Variants in STPG2 observed in about 807,000 individuals in gnomAD.
STPG2 encodes sperm tail PG-rich repeat containing 2.
Under a neutral mutation model 54.2 loss-of-function variants are expected in STPG2, and 56 were observed. The ratio of observed to expected loss-of-function variants is 1.03; its 90% CI spans 0.83 to 1.29. The LOEUF is 1.29. STPG2 is among the 50% of genes most tolerant of loss of function. The pLI is 0.00. For synonymous variants in STPG2, 200 were observed against 181.8 expected (o/e 1.10, Z -0.81); for missense variants, 596 against 544.9 (o/e 1.09, Z -0.93).
chr4:97,737,336 C>A (rs1385762978), intron 9 of STPG2, among the ~76,000 whole-genome samples: 1 of 152,196 alleles, frequency 6.6e-6, no homozygotes. Context: ...AGTTCCTCAC[C>A]AGCAACGGAA....
chr4:97,748,422 A>G (rs1157097042), intron 9 of STPG2, among the ~76,000 whole-genome samples: 1 of 151,604 alleles, frequency 6.6e-6, no homozygotes, highest in Non-Finnish European at 1.5e-5. Context: ...AGAAAATTGA[A>G]TAGCTCACTG....
chr4:97,910,295 T>A (rs1731628684), intron 8 of STPG2, among the ~76,000 whole-genome samples: 1 of 152,200 alleles, frequency 6.6e-6, no homozygotes, highest in Non-Finnish European at 1.5e-5. Flanking sequence ...CCCAGCTAGA[T>A]AATAGTTGAG....
intron 9 of STPG2, among the ~76,000 whole-genome samples, chr4:97,725,893 C>CA (rs1456062530): frequency 1.3e-5 from 2 of 150,008 alleles, no homozygotes; most frequent in Admixed American, 6.7e-5. Context: ...TAAATGTTTC[C>CA]AAAAAAAGGA....
chr4:97,740,277 G>A (rs1379599669), intron 9 of STPG2, among the ~76,000 whole-genome samples: 2 of 152,126 alleles, frequency 1.3e-5, no homozygotes, highest in African/African-American at 4.8e-5. Flanking sequence ...GGCAAAAACT[G>A]GAAGCATTCC....
At chr4:98,036,080 A>T (rs1736770118) in intron 5 of STPG2, among the ~76,000 whole-genome samples, 1 of 152,188 alleles carries the variant, frequency 6.6e-6, no homozygotes, top group Admixed American at 6.6e-5. Flanking sequence ...TATACCCCAG[A>T]ACTTAAAGTA....
At chr4:98,095,373 A>G (rs1274959149) in intron 5 of STPG2, among the ~76,000 whole-genome samples, 1 of 152,226 alleles carries the variant, frequency 6.6e-6, no homozygotes, top group East Asian at 1.9e-4. Flanking sequence ...TAAAAGACAT[A>G]GAGCAGCTGA....
chr4:97,676,842 A>G (rs11097568), intron 10 of STPG2, among the ~76,000 whole-genome samples: 67,647 of 151,518 alleles, frequency 0.45, 16,546 homozygotes, highest in South Asian at 0.62. Context: ...AGGTTCTTGA[A>G]TCCCAAGGCA....
At chr4:97,752,828 T>C (rs1017779960) in intron 9 of STPG2, among the ~76,000 whole-genome samples, 6 of 151,854 alleles carry the variant, frequency 4.0e-5, no homozygotes, top group African/African-American at 1.4e-4. Context: ...TTCTACATCC[T>C]TCATAAAGCC....
At chr4:97,671,595 T>A (rs1722698753) in intron 10 of STPG2, among the ~76,000 whole-genome samples, 1 of 152,208 alleles carries the variant, frequency 6.6e-6, no homozygotes, top group South Asian at 2.1e-4. Context: ...GTCAAATACA[T>A]AATTTGAAAA....
chr4:98,026,284 T>C (rs1736418234), intron 5 of STPG2: 1 of 741,480 alleles, frequency 1.3e-6, no homozygotes, highest in East Asian at 2.7e-5. Context: ...CAATTTTCTA[T>C]GAAGATTTTC....
chr4:97,593,441 C>T (rs1021302538), intron 10 of STPG2, among the ~76,000 whole-genome samples: 17 of 152,170 alleles, frequency 1.1e-4, no homozygotes, highest in Admixed American at 8.5e-4. Context: ...CACACCCAAC[C>T]GCAATTCTTG....
At chr4:97,488,528 A>G (rs1005600617) in intron 4 of STPG2, among the ~76,000 whole-genome samples, 1 of 151,762 alleles carries the variant, frequency 6.6e-6, no homozygotes, top group Non-Finnish European at 1.5e-5. Context: ...CAAAATAGAA[A>G]TTTATGTCTC....
chr4:98,083,119 T>C (rs1041008578), intron 5 of STPG2, among the ~76,000 whole-genome samples: 1 of 152,168 alleles, frequency 6.6e-6, no homozygotes, highest in African/African-American at 2.4e-5. Flanking sequence ...TGTACCATTC[T>C]TCTCCTTCAC....
At chr4:97,864,678 C>A (rs923230003) in intron 8 of STPG2, among the ~76,000 whole-genome samples, 5 of 152,160 alleles carry the variant, frequency 3.3e-5, no homozygotes, top group African/African-American at 1.2e-4. Flanking sequence ...ATCACACTAC[C>A]TGACTTCAAA....
chr4:97,449,162 G>C (rs973669862), intron 4 of STPG2, among the ~76,000 whole-genome samples: 43 of 152,012 alleles, frequency 2.8e-4, no homozygotes, highest in African/African-American at 1.0e-3. Context: ...ATATTTGGTA[G>C]AGGCAAAAAC....
intron 5 of STPG2, among the ~76,000 whole-genome samples, chr4:98,097,211 T>C (rs549153561): frequency 8.9e-4 from 135 of 152,166 alleles, no homozygotes; most frequent in African/African-American, 3.2e-3. Context: ...CTGACGAACA[T>C]AGATGCAAAA....
intron 9 of STPG2, among the ~76,000 whole-genome samples, chr4:97,717,242 A>G (rs1418420913): frequency 6.6e-6 from 1 of 152,188 alleles, no homozygotes; most frequent in Non-Finnish European, 1.5e-5. Flanking sequence ...TATTTTTGCC[A>G]TCCCTTTAAA....
intron 10 of STPG2, among the ~76,000 whole-genome samples, chr4:97,693,283 A>G (rs1440429490): frequency 1.3e-5 from 2 of 152,114 alleles, no homozygotes; most frequent in Non-Finnish European, 2.9e-5. Context: ...GAATTCATCA[A>G]CCAAGTATCT....
At chr4:98,044,307 G>A (rs994317059) in intron 5 of STPG2, among the ~76,000 whole-genome samples, 1 of 151,956 alleles carries the variant, frequency 6.6e-6, no homozygotes, top group Non-Finnish European at 1.5e-5. Context: ...TTGTGTTTCT[G>A]TTTAGCATCC....
Sources: allele counts gnomAD v4.1 joint callset (sites outside exome capture counted in the v4.1 genomes callset), GRCh38; gene constraint gnomAD v4.1.1; transcripts MANE v1.5; gene names NCBI Gene and HGNC (gene_info 2026-07-23, HGNC 2026-07-21).